Variants in ITGB5 observed in about 807,000 individuals in gnomAD.
ITGB5 encodes the protein integrin beta-5.
Under a neutral mutation model 84.8 loss-of-function variants are expected in ITGB5, and 38 were observed. The observed-to-expected ratio is 0.45, with a 90% confidence interval of 0.35 to 0.59. The LOEUF is 0.59. Ranked by LOEUF, ITGB5 falls within the 20% of genes least tolerant of loss-of-function variation. The probability of loss-of-function intolerance (pLI) is 0.01; values close to 1 mark genes in which losing one functional copy is unlikely to be tolerated. For synonymous variants in ITGB5, 393 were observed against 414.4 expected, an observed-to-expected ratio of 0.95 and a Z score of 0.63; for missense variants, 905 against 1,034.5, an observed-to-expected ratio of 0.87 and a Z score of 1.72.
chr3:124,783,615 A>G (rs1331541769), intron 10 of ITGB5, among the ~76,000 whole-genome samples: 2 of 152,256 alleles, frequency 1.3e-5, no homozygotes, highest in Non-Finnish European at 2.9e-5. Flanking sequence ...AATGCTGGAC[A>G]TAAGAAAAGG....
intron 5 of ITGB5, among the ~76,000 whole-genome samples, chr3:124,835,551 G>A (rs943205383): frequency 1.1e-4 from 17 of 152,232 alleles, no homozygotes; most frequent in Non-Finnish European, 2.5e-4. Context: ...TCAAGCCCCG[G>A]AAACCTGTGG....
upstream of ITGB5, chr3:124,887,572 G>T: frequency 3.2e-6 from 1 of 309,654 alleles, no homozygotes; most frequent in Non-Finnish European, 6.9e-6. Context: ...GGCCCTACGG[G>T]CCCAGGTGGA....
intron 10 of ITGB5, among the ~76,000 whole-genome samples, chr3:124,775,679 A>G (rs923425567): frequency 6.6e-6 from 1 of 152,214 alleles, no homozygotes; most frequent in East Asian, 1.9e-4. Context: ...CTGGAGAGGC[A>G]GGGTGGGGAG....
At chr3:124,829,400 C>T (rs1168555602) in intron 5 of ITGB5, among the ~76,000 whole-genome samples, 1 of 152,250 alleles carries the variant, frequency 6.6e-6, no homozygotes, top group Admixed American at 6.5e-5. Flanking sequence ...TGAAGCCAGG[C>T]ATCCGGTCAG....
intron 5 of ITGB5, among the ~76,000 whole-genome samples, chr3:124,837,599 A>G (rs2064952519): frequency 6.6e-6 from 1 of 152,238 alleles, no homozygotes; most frequent in Non-Finnish European, 1.5e-5. Context: ...CATAAATGGA[A>G]TGAATCCTAA....
chr3:124,865,615 T>C (rs1383569683), intron 2 of ITGB5, among the ~76,000 whole-genome samples: 1 of 148,404 alleles, frequency 6.7e-6, no homozygotes, highest in Non-Finnish European at 1.5e-5. Flanking sequence ...GCCTCCCAAG[T>C]AGCTGGGACT....
chr3:124,842,303 G>C (rs543966999), intron 4 of ITGB5, among the ~76,000 whole-genome samples: 1 of 152,332 alleles, frequency 6.6e-6, no homozygotes, highest in Admixed American at 6.5e-5. Flanking sequence ...GAAATATGGG[G>C]TGATCTCCTT....
chr3:124,818,925 G>A (rs1305906578), intron 7 of ITGB5, among the ~76,000 whole-genome samples: 3 of 152,132 alleles, frequency 2.0e-5, no homozygotes, highest in Non-Finnish European at 4.4e-5. Flanking sequence ...GGTGGAGGGT[G>A]GAGAGGGATT....
chr3:124,881,966 T>TA (rs917855062), intron 1 of ITGB5, among the ~76,000 whole-genome samples: 25 of 150,274 alleles, frequency 1.7e-4, no homozygotes, highest in South Asian at 1.1e-3. Flanking sequence ...AGACTCCAAT[T>TA]AAAAAAAAAA....
chr3:124,877,649 T>C (rs1934386915), intron 1 of ITGB5, among the ~76,000 whole-genome samples: 1 of 152,116 alleles, frequency 6.6e-6, no homozygotes, highest in South Asian at 2.1e-4. Flanking sequence ...AGGAGCCCTA[T>C]CTACAAAAAA....
intron 9 of ITGB5, among the ~76,000 whole-genome samples, chr3:124,798,573 C>T (rs2064269156): frequency 6.6e-6 from 1 of 151,992 alleles, no homozygotes; most frequent in Non-Finnish European, 1.5e-5. Flanking sequence ...GTGCCTGTCA[C>T]CATGCCTGGC....
At chr3:124,882,013 A>T (rs1934592677) in intron 1 of ITGB5, among the ~76,000 whole-genome samples, 1 of 152,094 alleles carries the variant, frequency 6.6e-6, no homozygotes, top group Admixed American at 6.5e-5. Flanking sequence ...TTCTCCCAGG[A>T]TGTTTCTTCC....
chr3:124,890,521 A>G (rs1029491682), upstream of ITGB5, among the ~76,000 whole-genome samples: 1 of 152,128 alleles, frequency 6.6e-6, no homozygotes, highest in African/African-American at 2.4e-5. Flanking sequence ...CTTTAAGCCT[A>G]GGCCCTGTGG....
At chr3:124,894,648 C>T (rs1489022997) in intron 1 of ITGB5, 1 of 152,136 alleles carries the variant, frequency 6.6e-6, no homozygotes, top group Non-Finnish European at 1.5e-5. Flanking sequence ...ACCTAAAGGG[C>T]ATAGATTCCT....
chr3:124,851,637 A>ACACG (rs1314085203), intron 3 of ITGB5, among the ~76,000 whole-genome samples: 1 of 151,660 alleles, frequency 6.6e-6, no homozygotes, highest in African/African-American at 2.4e-5. Flanking sequence ...ACACACACAC[A>ACACG]CACACGCACA....
chr3:124,827,023 GAGCT>G (rs963383459), intron 5 of ITGB5, among the ~76,000 whole-genome samples: 5 of 152,320 alleles, frequency 3.3e-5, no homozygotes, highest in Middle Eastern at 3.4e-3. Context: ...TTGGCTGGCA[GAGCT>G]AGCTGTTTTG....
At chr3:124,823,467 A>T (rs980507670) in intron 5 of ITGB5, among the ~76,000 whole-genome samples, 2 of 151,752 alleles carry the variant, frequency 1.3e-5, no homozygotes, top group African/African-American at 4.8e-5. Flanking sequence ...CCTTACTGCA[A>T]TGAAATGCTA....
In ITGB5 at chr3:124,764,405, C is replaced by A. The variant is rs771299105; in HGVS notation, c.2290G>T (p.Ala764Ser). 6 of 1,611,556 alleles carry A rather than the reference C, an allele frequency of 3.7e-6. No homozygotes were observed. In the African/African-American group the frequency reaches 6.7e-5, roughly 18 times the overall value. The change falls in exon 14 of 15, where the codon GCC (alanine) becomes TCC (serine). Residue 764 changes from alanine (A) to serine (S), a missense_variant. Physicochemically the swap from Ala to Ser is moderately conservative, Grantham distance 99. Coordinates refer to ENST00000296181, the MANE Select transcript of ITGB5 (RefSeq NM_002213.5). ...FAKFQSERSR[A>S]RYEMASNPLY... is the part of the protein sequence containing the mutation. ...CACGTGCTTACCATTTCATAGCGGG[C>A]CCTGGATCGCTCGCTCTGAAACTTT...
chr3:124,894,304 T>A (rs951692865), intron 1 of ITGB5: 2 of 151,922 alleles, frequency 1.3e-5, no homozygotes, highest in African/African-American at 2.4e-5. Flanking sequence ...CGGCTAATTT[T>A]TTGTATTTTT....
Sources: allele counts gnomAD v4.1 joint callset (sites outside exome capture counted in the v4.1 genomes callset), GRCh38; gene constraint gnomAD v4.1.1; transcripts MANE v1.5; gene names NCBI Gene and HGNC (gene_info 2026-07-23, HGNC 2026-07-21).